DALRD3: variants seen among roughly 807,000 people sequenced by gnomAD.
DALRD3 encodes DALR anticodon binding domain containing 3, also known as DALR anticodon-binding domain-containing protein 3.
DALRD3 carries 47 observed loss-of-function variants against 56.7 expected under a neutral mutation model. The ratio of observed to expected loss-of-function variants is 0.83; its 90% CI spans 0.66 to 1.06. The LOEUF is 1.06. Among genes scored for constraint, DALRD3 ranks in the 50% least tolerant of loss-of-function variants. The pLI, the probability that DALRD3 is intolerant of heterozygous loss-of-function variation, is 0.00. For missense variants in DALRD3, 787 were observed against 724.0 expected (o/e 1.09, Z -1.00); for synonymous variants, 347 against 308.5 (o/e 1.12, Z -1.31).
rs560679760 is a variant in DALRD3, at chr3:49,016,489, A to G, written c.1086T>C (p.Phe362=). 7 of 1,614,098 alleles carry G rather than the reference A, an allele frequency of 4.3e-6. No individual in the cohort carries two copies. The African/African-American group carries it at 9.3e-5, about 22-fold the overall frequency. Reference sequence around the variant, plus strand: ...TGATGGTGGCCACAGAGAGAACACCAAAGATCTCTGTCCAGGCTGGGTCTG... The same window carrying G: ...TGATGGTGGCCACAGAGAGAACACCGAAGATCTCTGTCCAGGCTGGGTCTG... ...LAQDPAWTEI[F]GVLSVATIKF... Residue 362 remains phenylalanine (F), a synonymous_variant, in exon 8 of 12, where the codon TTT becomes TTC. Transcript: ENST00000341949.
upstream of DALRD3, chr3:49,020,714 C>CG (rs753412495): frequency 1.5e-5 from 7 of 480,228 alleles, no homozygotes; most frequent in Admixed American, 2.3e-5. Context: ...CAGCCGTTGG[C>CG]GGGGGGCGGG....
intron 5 of DALRD3, 81 bp from the exon 6 acceptor site, chr3:49,016,928 C>CT: frequency 6.6e-7 from 1 of 1,513,244 alleles, no homozygotes; most frequent in South Asian, 1.1e-5. Flanking sequence ...TCTGGTGCCT[C>CT]TACTCAGCCC....
upstream of DALRD3, among the ~76,000 whole-genome samples, chr3:49,019,786 G>A (rs1417910013): frequency 6.6e-6 from 1 of 152,186 alleles, no homozygotes; most frequent in South Asian, 2.1e-4. Flanking sequence ...AGAATGACCA[G>A]CTTTTAATGT....
chr3:49,015,905 C>A (rs199567076), intron 10 of DALRD3, 33 bp from the exon 11 acceptor site: 2 of 1,614,086 alleles, frequency 1.2e-6, no homozygotes, highest in Non-Finnish European at 1.7e-6. Flanking sequence ...TGGCCCATCT[C>A]TTTGCTCTTG....
chr3:49,016,277 T>C lies in DALRD3; in HGVS notation c.1210A>G (p.Met404Val). ...GTGGCAAGACGGGCACAATTATACA[T>C]GACAAAGGTGCCACTCTTTGTGCCC... ...TKGTKSGTFVMYNCARLATLF... is the reference protein window; with the variant it reads ...TKGTKSGTFVVYNCARLATLF... Residue 404 changes from methionine (M) to valine (V), a missense_variant, in exon 9 of 12, where the codon ATG becomes GTG. By Grantham distance (21) the Met-to-Val change is conservative (BLOSUM62 1). Coordinates refer to ENST00000341949, the MANE Select transcript of DALRD3 (RefSeq NM_001009996.3). The C allele has an allele frequency of 6.2e-7, 1 of 1,613,798 alleles. No homozygotes were observed. The highest frequency in any genetic ancestry group is 8.5e-7 in the Non-Finnish European group (1 of 1,179,756).
chr3:49,016,614 T>C lies in DALRD3; in HGVS notation c.1061A>G (p.Gln354Arg). Residue 354 changes from glutamine (Q) to arginine (R), a missense_variant and splice_region_variant, in exon 7 of 12, where the codon CAA becomes CGA. Physicochemically the swap from Gln to Arg is conservative, Grantham distance 43. Coordinates refer to ENST00000341949, the MANE Select transcript of DALRD3 (RefSeq NM_001009996.3). ...SALKHGGDLA[Q>R]DPAWTEIFGV... ...TAGCCAGGGTTTCCCAGGCACACCT[T>C]GTGCCAGATCCCCACCATGCTTCAG... The C allele has an allele frequency of 6.3e-7, 1 of 1,585,182 alleles. No individual in the cohort carries two copies. Among genetic ancestry groups the C allele is most frequent in the Non-Finnish European group, 8.6e-7 (1 of 1,164,516 alleles).
rs750988575 is a variant in DALRD3 at position 49,016,677 on chromosome 3, T to A, written c.1002-4A>T. The A allele has an allele frequency of 6.2e-7, 1 of 1,605,520 alleles. No homozygotes were observed. Among genetic ancestry groups the A allele is most frequent in the Non-Finnish European group, 8.5e-7 (1 of 1,174,504 alleles). ...GCACACCTGGGTATGCCGGAACCTG[T>A]GTTTGGAAGAGAGGAAGGCCAGTGG... On this transcript the variant is annotated splice_region_variant and splice_polypyrimidine_tract_variant and intron_variant, in intron 6 of 11. Transcript: ENST00000341949.
In DALRD3 at chr3:49,016,264, G is replaced by A. The variant is rs777838252; in HGVS notation, c.1223C>T (p.Ala408Val). 6.2e-7 allele frequency: 1 copy of A among 1,614,122 alleles called. No homozygotes were observed. The highest frequency in any genetic ancestry group is 1.3e-5 in the African/African-American group (1 of 75,038). Residue 408 changes from alanine to valine, a missense_variant, in exon 9 of 12, where the codon GCC (alanine) becomes GTC (valine). Physicochemically the swap from Ala to Val is moderately conservative, Grantham distance 64. Coordinates refer to ENST00000341949, the MANE Select transcript of DALRD3 (RefSeq NM_001009996.3). ...ACTCTCAAAGAGTGTGGCAAGACGG[G>A]CACAATTATACATGACAAAGGTGCC... ...KSGTFVMYNC[A>V]RLATLFESYK...
chr3:49,016,827 A>C lies in DALRD3; in HGVS notation c.948T>G (p.Pro316=), dbSNP rs773642303. ...TGCCAGGTGCACCAGCTACTTTCAC[A>C]GGGCCACAGATGAGGTGCTTCTGTC... The part of the protein sequence containing the change: ...PLRQKHLICG[P]VKVAGAPGTL... The change falls in exon 6 of 12, where the codon CCT becomes CCG. Residue 316 remains proline, a synonymous_variant. Transcript: ENST00000341949. 1.9e-6 allele frequency: 3 copies of C among 1,614,170 alleles called. No homozygotes were observed. Among genetic ancestry groups the C allele is most frequent in the Non-Finnish European group, 1.7e-6 (2 of 1,180,024 alleles).
At chr3:49,019,570 C>G (rs557648863), upstream of DALRD3, among the ~76,000 whole-genome samples, 19 of 151,552 alleles carry the variant, frequency 1.3e-4, 1 homozygote, top group South Asian at 4.0e-3. Flanking sequence ...ACCTCCCCCT[C>G]CCGGGTTCAA....
In DALRD3 at chr3:49,016,023, C is replaced by T; in HGVS notation, c.1393G>A (p.Val465Met). The T allele has an allele frequency of 6.2e-7, 1 of 1,604,704 alleles. No individual in the cohort carries two copies. Among genetic ancestry groups the T allele is most frequent in the Non-Finnish European group, 8.5e-7 (1 of 1,173,508 alleles). ...PFPDLLSRTAVLDCTAPGLHI... is the reference protein window; with the variant it reads ...PFPDLLSRTAMLDCTAPGLHI... ...AGCCCCGGGGCTGTGCAGTCCAGCA[C>T]TGCTGTCCGGCTCAGCAGATCCGGA... Residue 465 changes from valine (V) to methionine (M), a missense_variant, in exon 10 of 12, where the codon GTG becomes ATG. Physicochemically the swap from Val to Met is conservative, Grantham distance 21. Transcript: ENST00000341949.
At chr3:49,019,064 G>C (rs2093128285), upstream of DALRD3, 1 of 981,208 alleles carries the variant, frequency 1.0e-6, no homozygotes, top group African/African-American at 1.8e-5. Context: ...TTTCTCGTTT[G>C]AGATATGGGT....
At position 49,015,970 on chromosome 3, in the gene DALRD3, C is replaced by T. The variant is rs2093061889; in HGVS notation, c.1443+3G>A. 3.1e-6 allele frequency: 5 copies of T among 1,613,810 alleles called. No individual in the cohort carries two copies. The highest frequency in any genetic ancestry group is 4.2e-6 in the Non-Finnish European group (5 of 1,179,870). On this transcript the variant is annotated splice_donor_region_variant and intron_variant, in intron 10 of 11. Coordinates refer to ENST00000341949, the MANE Select transcript of DALRD3 (RefSeq NM_001009996.3). ...TAGAGTGTCCTGGTTGTCTATGCCT[C>T]ACCATCTCTGTGCGTACAGCAATGT...
At chr3:49,017,001 G>GC in intron 5 of DALRD3, 154 bp from the exon 6 acceptor site, 1 of 991,162 alleles carries the variant, frequency 1.0e-6, no homozygotes, top group South Asian at 1.5e-5. Context: ...CTCAGGCTAC[G>GC]CATGGTTCAT....
At chr3:49,016,546 G>A in intron 7 of DALRD3, 35 bp from the exon 8 acceptor site, 2 of 1,606,442 alleles carry the variant, frequency 1.2e-6, no homozygotes, top group Non-Finnish European at 1.7e-6. Context: ...TCAGTCTGCA[G>A]GCAAGGGCAG....
At chr3:49,021,375 C>T (rs1486371497), upstream of DALRD3, 6 of 152,604 alleles carry the variant, frequency 3.9e-5, no homozygotes, top group African/African-American at 1.4e-4. The surrounding 1 kb of genome is among the most constrained non-coding windows in gnomAD (Gnocchi z 4.1). Flanking sequence ...ACTCCCAGGA[C>T]GCGAGCAGAG....
upstream of DALRD3, chr3:49,020,777 T>TC: frequency 2.4e-6 from 1 of 413,888 alleles, no homozygotes; most frequent in Admixed American, 2.7e-5. Context: ...AACCCGCCCA[T>TC]CCCCAGTCCC....
In DALRD3 at chr3:49,017,265, A is replaced by G. The variant is rs2093096357; in HGVS notation, c.890T>C (p.Leu297Pro). Residue 297 changes from leucine (L) to proline (P), a missense_variant, in exon 5 of 12, where the codon CTT becomes CCT. Leu to Pro is a moderately conservative substitution (Grantham distance 98). Transcript: ENST00000341949. ...EEFQQQKLDL[L>P]WQKLVDKAPL... ...AGCCTTGTCAACCAACTTCTGCCAA[A>G]GCAGGTCCAACTTCTGTTGCTGGAA... 2 of 1,614,198 alleles carry G rather than the reference A, an allele frequency of 1.2e-6. No homozygotes were observed. The highest frequency in any genetic ancestry group is 4.5e-5 in the East Asian group (2 of 44,884).
At chr3:49,019,003 T>A (rs535342049), upstream of DALRD3, 2 of 985,372 alleles carry the variant, frequency 2.0e-6, no homozygotes, top group Non-Finnish European at 2.4e-6. Context: ...ACTTAAAATA[T>A]CTCGTTTTAA....
Sources: allele counts gnomAD v4.1 joint callset (sites outside exome capture counted in the v4.1 genomes callset), GRCh38; gene constraint gnomAD v4.1.1; non-coding constraint Gnocchi (gnomAD v3.1); transcripts MANE v1.5; gene names NCBI Gene and HGNC (gene_info 2026-07-23, HGNC 2026-07-21).